The following CDH4 variants were observed in gnomAD, a reference collection of about 807,000 sequenced individuals.
CDH4 encodes cadherin-4.
Under a neutral mutation model 86.0 loss-of-function variants are expected in CDH4, and 33 were observed. The observed-to-expected ratio is 0.38, with a 90% confidence interval of 0.29 to 0.51. The LOEUF is 0.51. Ranked by LOEUF, CDH4 falls within the 20% of genes least tolerant of loss-of-function variation. CDH4 has a pLI of 0.86. For missense variants in CDH4, 1,114 were observed against 1,307.4 expected (o/e 0.85, Z 2.28); for synonymous variants, 555 against 549.4 (o/e 1.01, Z -0.14).
At chr20:61,601,394 C>G (rs924006412) in intron 2 of CDH4, among the ~76,000 whole-genome samples, 1 of 152,168 alleles carries the variant, frequency 6.6e-6, no homozygotes, top group Non-Finnish European at 1.5e-5. Flanking sequence ...AAACATCTAA[C>G]CTGTGTCCCC....
chr20:61,876,554 C>T (rs1428612135), intron 7 of CDH4, among the ~76,000 whole-genome samples: 1 of 152,142 alleles, frequency 6.6e-6, no homozygotes, highest in Non-Finnish European at 1.5e-5. Context: ...GACGTGCAGA[C>T]GCAGTCCATG....
At chr20:61,881,711 C>T (rs897792693) in intron 7 of CDH4, among the ~76,000 whole-genome samples, 1 of 152,176 alleles carries the variant, frequency 6.6e-6, no homozygotes, top group East Asian at 1.9e-4. Context: ...AGTGAGAACC[C>T]GTCACAGCCG....
intron 2 of CDH4, among the ~76,000 whole-genome samples, chr20:61,496,193 A>G (rs1482083758): frequency 2.0e-5 from 3 of 152,102 alleles, no homozygotes; most frequent in South Asian, 2.1e-4. Flanking sequence ...TAAGGCCAGG[A>G]GTTTGAGACC....
At chr20:61,298,809 G>A (rs2084370906) in intron 2 of CDH4, among the ~76,000 whole-genome samples, 2 of 30,972 alleles carry the variant, frequency 6.5e-5, no homozygotes, top group African/African-American at 5.7e-5. Context: ...TCGCTGGTGA[G>A]AGTCTTTTTT....
At chr20:61,264,710 G>A (rs1319742660) in intron 2 of CDH4, among the ~76,000 whole-genome samples, 11 of 137,456 alleles carry the variant, frequency 8.0e-5, no homozygotes, top group African/African-American at 2.6e-4. Context: ...CCTTCATTCA[G>A]TCCTACACAT....
chr20:61,329,961 G>A (rs1270742623), intron 2 of CDH4, among the ~76,000 whole-genome samples: 2 of 151,112 alleles, frequency 1.3e-5, no homozygotes, highest in African/African-American at 2.4e-5. Context: ...TCCTGTGTTA[G>A]TTTTCTGAGG....
At chr20:61,311,023 C>T (rs112129047) in intron 2 of CDH4, among the ~76,000 whole-genome samples, 1 of 152,202 alleles carries the variant, frequency 6.6e-6, no homozygotes, top group South Asian at 2.1e-4. Flanking sequence ...GGTGTCCCCA[C>T]CCCACTCCAC....
intron 13 of CDH4, 33 bp downstream of exon 13, chr20:61,929,875 G>A (rs1352290052): frequency 1.3e-6 from 2 of 1,571,470 alleles, no homozygotes; most frequent in Admixed American, 1.7e-5. Context: ...GTGGGCAGGG[G>A]CATTGTGGGT....
At chr20:61,695,112 T>C (rs555502188) in intron 2 of CDH4, among the ~76,000 whole-genome samples, 163 of 152,350 alleles carry the variant, frequency 1.1e-3, no homozygotes, top group Non-Finnish European at 6.9e-4. Context: ...GAGCAGAATT[T>C]GAATGCTTTG....
At chr20:61,735,006 G>A (rs1392961581) in intron 2 of CDH4, among the ~76,000 whole-genome samples, 3 of 151,364 alleles carry the variant, frequency 2.0e-5, no homozygotes, top group Non-Finnish European at 4.4e-5. Flanking sequence ...GCCCCTCCCT[G>A]TGGCCCCTCC....
At chr20:61,740,508 G>A (rs2088320029) in intron 2 of CDH4, 1 of 152,200 alleles carries the variant, frequency 6.6e-6, no homozygotes, top group Non-Finnish European at 1.5e-5. Flanking sequence ...CCACAGCCTG[G>A]TGGGGCACAG....
intron 2 of CDH4, among the ~76,000 whole-genome samples, chr20:61,408,028 CT>C (rs1172409294): frequency 3.2e-4 from 49 of 152,316 alleles, no homozygotes; most frequent in African/African-American, 1.1e-3. Context: ...GCAGGTCCTG[CT>C]TTTCCTGCAG....
chr20:61,873,740 T>C lies in CDH4; in HGVS notation c.890T>C (p.Met297Thr), dbSNP rs1983900900. 4 of 1,613,456 alleles carry C rather than the reference T, an allele frequency of 2.5e-6. No individual in the cohort carries two copies. In the East Asian group the frequency reaches 8.9e-5, roughly 36 times the overall value. ...DEGSKPGTYV[M>T]TVTANDADDS... ...GTCTCCGTTCCAGGCACCTACGTGA[T>C]GACCGTCACGGCCAACGATGCTGAC... Residue 297 changes from methionine (M) to threonine (T), a missense_variant, in exon 7 of 16, where the codon ATG (methionine) becomes ACG (threonine). By Grantham distance (81) the Met-to-Thr change is moderately conservative. Around this residue, in one of 3 missense-constraint regions of CDH4, gnomAD observed 705 missense variants for 914.1 expected, o/e 0.77. Transcript: ENST00000614565.
intron 4 of CDH4, among the ~76,000 whole-genome samples, chr20:61,834,348 T>C (rs1453650501): frequency 6.6e-6 from 1 of 152,194 alleles, no homozygotes; most frequent in Non-Finnish European, 1.5e-5. Context: ...CCTCCATCTT[T>C]TCTGCTGGAC....
intron 2 of CDH4, among the ~76,000 whole-genome samples, chr20:61,410,439 G>GTCCA (rs201597174): frequency 3.3e-4 from 26 of 79,694 alleles, no homozygotes; most frequent in African/African-American, 4.0e-4. Flanking sequence ...CCTCCCACTG[G>GTCCA]TCCATCCATC....
chr20:61,395,543 G>A (rs993943533), intron 2 of CDH4, among the ~76,000 whole-genome samples: 2 of 152,120 alleles, frequency 1.3e-5, no homozygotes, highest in African/African-American at 4.8e-5. Flanking sequence ...ACTTTGGGAG[G>A]GTAAGGCAGG....
In CDH4 at chr20:61,703,119, C is replaced by T. The variant is rs548228426; in HGVS notation, c.170-40444C>T. On this transcript the variant is annotated intron_variant, in intron 2 of 15. Coordinates refer to ENST00000614565, the MANE Select transcript of CDH4 (RefSeq NM_001794.5). This position sits in a 1 kb window ranked among gnomAD's most constrained non-coding sequence, Gnocchi z 4.3. ...ATTTACACTCTGGTGGGGCAGGGGG[C>T]CACGGGATGTTAGAAATGCGGCAGA... Among the ~76,000 whole-genome samples, 1 of 152,234 alleles carries T rather than the reference C, an allele frequency of 6.6e-6. No homozygotes were observed. The highest frequency in any genetic ancestry group is 2.1e-4 in the South Asian group (1 of 4,816).
chr20:61,865,771 G>A lies in CDH4; in HGVS notation c.878-7957G>A, dbSNP rs1384847861. On this transcript the variant is annotated intron_variant, in intron 6 of 15. Coordinates refer to ENST00000614565, the MANE Select transcript of CDH4 (RefSeq NM_001794.5). ...CTGGCTTCCTGACTGGTTAGTGTAT[G>A]TAATGGGTTAGTTTCCTGAGCTAGT... 4.0e-5 allele frequency among the ~76,000 whole-genome samples: 6 copies of A among 150,884 alleles called. No individual in the cohort carries two copies. The East Asian group carries it at 7.9e-4, about 20-fold the overall frequency.
intron 2 of CDH4, among the ~76,000 whole-genome samples, chr20:61,389,173 G>A (rs1324597106): frequency 2.0e-5 from 3 of 152,240 alleles, no homozygotes; most frequent in Admixed American, 6.5e-5. Flanking sequence ...CCCAGCCATG[G>A]CTGTGCACCT....
Sources: allele counts gnomAD v4.1 joint callset (sites outside exome capture counted in the v4.1 genomes callset), GRCh38; gene constraint gnomAD v4.1.1; regional missense constraint gnomAD v4.1.1; non-coding constraint Gnocchi (gnomAD v3.1); transcripts MANE v1.5; gene names NCBI Gene and HGNC (gene_info 2026-07-23, HGNC 2026-07-21).